The following TENM2 variants were observed in gnomAD, a reference collection of about 807,000 sequenced individuals.
TENM2 encodes teneurin transmembrane protein 2.
Under a neutral mutation model 245.2 loss-of-function variants are expected in TENM2, and 52 were observed. The observed-to-expected ratio is 0.21, with a 90% confidence interval of 0.17 to 0.27. The LOEUF (loss-of-function observed/expected upper bound fraction) is 0.27, where lower values mean the gene tolerates loss of function less well. TENM2 is among the 10% of genes least tolerant of loss of function. The pLI is 1.00. For synonymous variants in TENM2, 1,363 were observed against 1,438.9 expected (o/e 0.95, Z 1.19); for missense variants, 3,046 against 3,666.8 (o/e 0.83, Z 4.37).
intron 5 of TENM2, among the ~76,000 whole-genome samples, chr5:168,027,764 C>G (rs559722464): frequency 2.0e-5 from 3 of 152,254 alleles, no homozygotes; most frequent in Admixed American, 1.3e-4. Context: ...GAATACATCT[C>G]TATATATGTT....
chr5:167,642,113 C>A (rs1275464075), intron 2 of TENM2, among the ~76,000 whole-genome samples: 1 of 149,420 alleles, frequency 6.7e-6, no homozygotes, highest in Non-Finnish European at 1.5e-5. Flanking sequence ...TGCACTCCAG[C>A]CTGGGCAACA....
At position 168,196,275 on chromosome 5, in the gene TENM2, C is replaced by T. The variant is rs115333350; in HGVS notation, c.2900+980C>T. Among the ~76,000 whole-genome samples the T allele has an allele frequency of 5.8e-3, 885 of 152,292 alleles. 11 individuals are homozygous for T. Among genetic ancestry groups the T allele is most frequent in the African/African-American group, 0.019 (793 of 41,562 alleles). ...CAGGAGCCCTAACTTCACTCTCCCA[C>T]CTCTGAAACCCAAACAAGGAGTCTA... On this transcript the variant is annotated intron_variant, in intron 15 of 28. Coordinates refer to ENST00000518659, the Ensembl canonical transcript of TENM2.
chr5:167,072,688 T>C, the TENM2 span, among the ~76,000 whole-genome samples: 2 of 152,220 alleles, frequency 1.3e-5, no homozygotes, highest in Non-Finnish European at 2.9e-5. Flanking sequence ...TCAGAGCAAG[T>C]TCTGTTGGGA....
the TENM2 span, among the ~76,000 whole-genome samples, chr5:167,215,314 A>T: frequency 1.3e-5 from 2 of 152,154 alleles, no homozygotes; most frequent in African/African-American, 2.4e-5. Flanking sequence ...GTGAGTTTTG[A>T]TATGTTTTCG....
At chr5:168,121,849 C>T (rs11740665) in intron 10 of TENM2, among the ~76,000 whole-genome samples, 46,038 of 151,956 alleles carry the variant, frequency 0.3, 7,439 homozygotes, top group East Asian at 0.63. Context: ...TTTTTCCTTA[C>T]TAGAAATGGG....
intron 2 of TENM2, among the ~76,000 whole-genome samples, chr5:167,743,222 A>C (rs1397503574): frequency 6.6e-6 from 1 of 152,184 alleles, no homozygotes; most frequent in African/African-American, 2.4e-5. Context: ...TGGTAGTTCC[A>C]ATATGCCAGT....
intron 1 of TENM2, among the ~76,000 whole-genome samples, chr5:167,362,795 G>A (rs994521122): frequency 6.6e-6 from 1 of 152,042 alleles, no homozygotes. Context: ...TTACATTGTG[G>A]CAGAATAAGC....
At chr5:167,088,197 T>G in the TENM2 span, among the ~76,000 whole-genome samples, 1 of 152,116 alleles carries the variant, frequency 6.6e-6, no homozygotes, top group African/African-American at 2.4e-5. Context: ...TTCAATCTCA[T>G]TAGATAATAA....
chr5:167,335,301 C>G (rs1021362439), intron 1 of TENM2, among the ~76,000 whole-genome samples: 3 of 152,096 alleles, frequency 2.0e-5, no homozygotes, highest in African/African-American at 4.8e-5. Context: ...GAGGAAAGTA[C>G]CAAGAGGATG....
the TENM2 span, among the ~76,000 whole-genome samples, chr5:167,072,516 T>C: frequency 1.3e-5 from 2 of 152,210 alleles, no homozygotes; most frequent in Non-Finnish European, 2.9e-5. Context: ...CTTGGAATGG[T>C]GGTAACAACA....
chr5:167,601,430 G>A (rs1038772496), intron 2 of TENM2, among the ~76,000 whole-genome samples: 2 of 152,242 alleles, frequency 1.3e-5, no homozygotes, highest in Non-Finnish European at 2.9e-5. Context: ...GGTCTACAAT[G>A]TATCATCTTA....
At chr5:167,718,020 C>A (rs1044267039) in intron 2 of TENM2, among the ~76,000 whole-genome samples, 2 of 152,084 alleles carry the variant, frequency 1.3e-5, no homozygotes, top group Admixed American at 6.5e-5. Context: ...CTTTGAAGGT[C>A]TCTGCTGTTC....
Position 167,400,767 on chromosome 5 carries a change from A to G in TENM2, c.502+25294A>G, listed in dbSNP as rs145805487. On this transcript the variant is annotated intron_variant, in intron 2 of 28. Transcript: ENST00000518659. ...ACTCAGAGAATAGAAGGGTGAATCTATCCTCTTCTTGGCAGAAGGGACTAT... is the reference window on the plus strand; with the variant it reads ...ACTCAGAGAATAGAAGGGTGAATCTGTCCTCTTCTTGGCAGAAGGGACTAT... 2.3e-3 allele frequency among the ~76,000 whole-genome samples: 353 copies of G among 152,262 alleles called. 6 individuals carry two copies. The highest frequency in any genetic ancestry group is 8.0e-3 in the African/African-American group (333 of 41,566).
chr5:167,896,885 T>C (rs994148040), intron 3 of TENM2, among the ~76,000 whole-genome samples: 2 of 152,246 alleles, frequency 1.3e-5, no homozygotes, highest in Admixed American at 6.5e-5. Flanking sequence ...GAATCACGCT[T>C]GCTTTTTCCT....
At chr5:167,727,100 A>ATTTT (rs1554106383) in intron 2 of TENM2, among the ~76,000 whole-genome samples, 25 of 125,392 alleles carry the variant, frequency 2.0e-4, no homozygotes, top group Non-Finnish European at 3.1e-4. Context: ...GAATCCATTA[A>ATTTT]TTTCTTTTTT....
intron 2 of TENM2, among the ~76,000 whole-genome samples, chr5:167,632,377 C>T (rs1582599806): frequency 6.6e-6 from 1 of 152,122 alleles, no homozygotes; most frequent in African/African-American, 2.4e-5. Context: ...TAGTCTATTA[C>T]AAAATATGTG....
At chr5:167,107,592 C>T in the TENM2 span, among the ~76,000 whole-genome samples, 1 of 152,268 alleles carries the variant, frequency 6.6e-6, no homozygotes, top group Admixed American at 6.5e-5. Flanking sequence ...CAAATGAAGT[C>T]CAGCTCTGGT....
chr5:167,402,951 AAAG>A (rs1392539644), intron 2 of TENM2, among the ~76,000 whole-genome samples: 1 of 152,076 alleles, frequency 6.6e-6, no homozygotes, highest in Non-Finnish European at 1.5e-5. Flanking sequence ...GGGCCTTATA[AAAG>A]AAGTATATGC....
intron 12 of TENM2, among the ~76,000 whole-genome samples, chr5:168,132,935 T>G (rs893987826): frequency 1.3e-5 from 2 of 152,226 alleles, no homozygotes; most frequent in African/African-American, 4.8e-5. Flanking sequence ...GATGGACATC[T>G]TTCTTATCAC....
Sources: allele counts gnomAD v4.1 joint callset (sites outside exome capture counted in the v4.1 genomes callset), GRCh38; gene constraint gnomAD v4.1.1; transcripts MANE v1.5; gene names NCBI Gene and HGNC (gene_info 2026-07-23, HGNC 2026-07-21).